Variants in KCNJ3 observed in about 807,000 individuals in gnomAD.
KCNJ3 encodes the protein G protein-activated inward rectifier potassium channel 1.
In KCNJ3, 4 loss-of-function variants were observed where a neutral mutation model predicts 39.2. The observed-to-expected ratio is 0.10, with a 90% CI of 0.05 to 0.23. The LOEUF (loss-of-function observed/expected upper bound fraction) is 0.23, where lower values mean the gene tolerates loss of function less well. KCNJ3 is among the 10% of genes least tolerant of loss of function. The probability of loss-of-function intolerance (pLI) is 1.00; values close to 1 mark genes in which losing one functional copy is unlikely to be tolerated. For missense variants in KCNJ3, 276 were observed against 634.9 expected, an observed-to-expected ratio of 0.43 and a Z score of 6.08; for synonymous variants, 230 against 237.4, an observed-to-expected ratio of 0.97 and a Z score of 0.29.
At chr2:154,708,943 A>G (rs1685058264) in intron 1 of KCNJ3, among the ~76,000 whole-genome samples, 2 of 152,196 alleles carry the variant, frequency 1.3e-5, no homozygotes, top group Admixed American at 1.3e-4. Context: ...ATGACAGAGA[A>G]GCAAATATTT....
intron 2 of KCNJ3, among the ~76,000 whole-genome samples, chr2:154,814,389 A>G (rs762219574): frequency 3.3e-5 from 5 of 152,050 alleles, no homozygotes; most frequent in African/African-American, 1.2e-4. Flanking sequence ...TGTAATCCTA[A>G]CACTTTGGGA....
intron 2 of KCNJ3, among the ~76,000 whole-genome samples, chr2:154,807,522 C>G (rs912225347): frequency 6.6e-6 from 1 of 152,176 alleles, no homozygotes; most frequent in Non-Finnish European, 1.5e-5. Flanking sequence ...CTGAGAACAG[C>G]AGTCTGACCT....
intron 2 of KCNJ3, among the ~76,000 whole-genome samples, chr2:154,774,675 G>GAA (rs35963180): frequency 4.0e-5 from 6 of 151,876 alleles, no homozygotes; most frequent in Non-Finnish European, 7.4e-5. Flanking sequence ...GTAATACATG[G>GAA]AAAAAAACCT....
intron 1 of KCNJ3, among the ~76,000 whole-genome samples, chr2:154,703,548 G>A (rs1260952028): frequency 6.6e-6 from 1 of 151,236 alleles, no homozygotes; most frequent in Non-Finnish European, 1.5e-5. Flanking sequence ...CAAATTGGAT[G>A]TTGTCTTGTT....
intron 2 of KCNJ3, among the ~76,000 whole-genome samples, chr2:154,736,009 A>G (rs1167275414): frequency 1.3e-5 from 2 of 152,280 alleles, no homozygotes; most frequent in East Asian, 1.9e-4. Flanking sequence ...TATAATTTCT[A>G]CTGCTAAGGA....
At chr2:154,717,704 T>C (rs1443643320) in intron 2 of KCNJ3, among the ~76,000 whole-genome samples, 1 of 152,214 alleles carries the variant, frequency 6.6e-6, no homozygotes, top group Non-Finnish European at 1.5e-5. Context: ...TCCTGATTAG[T>C]GAAAAACAGC....
intron 2 of KCNJ3, among the ~76,000 whole-genome samples, chr2:154,732,050 C>T (rs890019699): frequency 1.3e-5 from 2 of 151,998 alleles, no homozygotes; most frequent in Non-Finnish European, 2.9e-5. Flanking sequence ...GAGGAAATGT[C>T]AGAATAACTT....
chr2:154,771,169 G>A lies in KCNJ3; in HGVS notation c.919+61350G>A, dbSNP rs1167364954. ...GCCTCCCAGAGTGCTGAGATTACAG[G>A]TGTGAGCCTCCGCACCCTCCCAAGA... On this transcript the variant is annotated intron_variant, in intron 2 of 2. Coordinates refer to ENST00000295101, the MANE Select transcript of KCNJ3 (RefSeq NM_002239.4). Among the ~76,000 whole-genome samples, 3 of 152,112 alleles carry A rather than the reference G, an allele frequency of 2.0e-5. No homozygotes were observed. The East Asian group carries it at 5.8e-4, about 29-fold the overall frequency.
At chr2:154,751,496 A>G (rs1298908541) in intron 2 of KCNJ3, among the ~76,000 whole-genome samples, 1 of 152,072 alleles carries the variant, frequency 6.6e-6, no homozygotes, top group Non-Finnish European at 1.5e-5. Context: ...TATGTCCTAT[A>G]TGATCTGCAT....
chr2:154,714,454 G>C (rs1685150678), intron 2 of KCNJ3, among the ~76,000 whole-genome samples: 1 of 151,252 alleles, frequency 6.6e-6, no homozygotes, highest in Non-Finnish European at 1.5e-5. Context: ...TTCCTTTCTA[G>C]TCTAGATATT....
intron 2 of KCNJ3, among the ~76,000 whole-genome samples, chr2:154,806,625 C>T (rs1244693452): frequency 6.6e-6 from 1 of 152,038 alleles, no homozygotes; most frequent in Non-Finnish European, 1.5e-5. Flanking sequence ...GGAAGACTGC[C>T]TCTCCCGAAA....
In KCNJ3 at chr2:154,857,375, G is replaced by A. The variant is rs1207592246; in HGVS notation, c.*2062G>A. 3.9e-5 allele frequency: 6 copies of A among 151,954 alleles called. No homozygotes were observed. The highest frequency in any genetic ancestry group is 5.9e-5 in the Non-Finnish European group (4 of 67,978). 9.4% of individuals were successfully genotyped at this position (151,954 alleles called of 1,614,324 possible). On this transcript the variant is annotated 3_prime_UTR_variant, in exon 3 of 3. Coordinates refer to ENST00000295101, the MANE Select transcript of KCNJ3 (RefSeq NM_002239.4). Reference sequence around the variant, plus strand: ...TTGTCTTTGGTACCAAGGAGAAGACGGAACCAAAAACAAACTCTCCAAGTA... The same window carrying A: ...TTGTCTTTGGTACCAAGGAGAAGACAGAACCAAAAACAAACTCTCCAAGTA...
intron 2 of KCNJ3, among the ~76,000 whole-genome samples, chr2:154,823,013 T>C (rs932279008): frequency 6.6e-6 from 1 of 151,788 alleles, no homozygotes; most frequent in East Asian, 1.9e-4. Context: ...ATGAATATAA[T>C]ATTAAAATCT....
At chr2:154,805,734 G>A (rs1686898586) in intron 2 of KCNJ3, among the ~76,000 whole-genome samples, 1 of 152,062 alleles carries the variant, frequency 6.6e-6, no homozygotes, top group Non-Finnish European at 1.5e-5. Context: ...GTTTAAGAAT[G>A]TGCATATATC....
chr2:154,757,718 G>A (rs970341976), intron 2 of KCNJ3, among the ~76,000 whole-genome samples: 20 of 152,110 alleles, frequency 1.3e-4, no homozygotes, highest in Non-Finnish European at 1.2e-4. Context: ...CTAGAGGCTG[G>A]GAAATCCAAG....
chr2:154,794,396 C>G (rs1016514517), intron 2 of KCNJ3, among the ~76,000 whole-genome samples: 10 of 151,838 alleles, frequency 6.6e-5, no homozygotes, highest in African/African-American at 2.4e-4. Context: ...AAGTAGAAAC[C>G]ACCTTGCCAA....
intron 2 of KCNJ3, among the ~76,000 whole-genome samples, chr2:154,853,350 G>T (rs890587288): frequency 1.3e-5 from 2 of 152,158 alleles, no homozygotes. Flanking sequence ...TCTTATTTAT[G>T]CATTATATCC....
At position 154,699,469 on chromosome 2, in the gene KCNJ3, C is replaced by A; in HGVS notation, c.694C>A (p.Leu232Met). The A allele has an allele frequency of 6.3e-7, 1 of 1,589,856 alleles. No homozygotes were observed. The highest frequency in any genetic ancestry group is 8.5e-7 in the Non-Finnish European group (1 of 1,174,234). ...HMVSAQIRCK[L>M]LKSRQTPEGE... is the part of the protein sequence containing the mutation. ...GGTCTCCGCGCAGATTCGCTGCAAG[C>A]TGCTCAAAGTAAGTGCTCCCCGCCC... The change falls in exon 1 of 3, where the codon CTG (leucine) becomes ATG (methionine). Residue 232 changes from leucine (L) to methionine (M), a missense_variant. Transcript: ENST00000295101. This position sits in a 1 kb window ranked among gnomAD's most constrained non-coding sequence, Gnocchi z 6.4.
chr2:154,779,925 CTGTT>C (rs2105202515), intron 2 of KCNJ3, among the ~76,000 whole-genome samples: 1 of 152,190 alleles, frequency 6.6e-6, no homozygotes, highest in East Asian at 1.9e-4. Context: ...AAACATGCCT[CTGTT>C]TGTACTATTG....
Sources: allele counts gnomAD v4.1 joint callset (sites outside exome capture counted in the v4.1 genomes callset), GRCh38; gene constraint gnomAD v4.1.1; non-coding constraint Gnocchi (gnomAD v3.1); transcripts MANE v1.5; gene names NCBI Gene and HGNC (gene_info 2026-07-23, HGNC 2026-07-21).